The following CACNA1A variants were observed in gnomAD, a reference collection of about 807,000 sequenced individuals.
CACNA1A encodes the protein calcium voltage-gated channel subunit alpha1 A.
CACNA1A carries 57 observed loss-of-function variants against 262.4 expected under a neutral mutation model. That is an observed-to-expected ratio of 0.22 (90% confidence interval 0.18 to 0.27). The LOEUF (loss-of-function observed/expected upper bound fraction) is 0.27. CACNA1A is among the 10% of genes least tolerant of loss of function. The pLI, the probability that CACNA1A is intolerant of heterozygous loss-of-function variation, is 1.00. For synonymous variants in CACNA1A, 1,431 were observed against 1,419.3 expected, an observed-to-expected ratio of 1.01 and a Z score of -0.18; for missense variants, 2,526 against 3,562.8, an observed-to-expected ratio of 0.71 and a Z score of 7.41.
At chr19:13,334,285 C>A (rs2058518108) in intron 8 of CACNA1A, 93 bp downstream of exon 8, 2 of 759,474 alleles carry the variant, frequency 2.6e-6, no homozygotes, top group Non-Finnish European at 4.7e-6. Context: ...CATCATAACC[C>A]TCCCAGCTTA....
intron 3 of CACNA1A, among the ~76,000 whole-genome samples, chr19:13,448,743 G>C (rs572772460): frequency 6.6e-6 from 1 of 152,248 alleles, no homozygotes; most frequent in African/African-American, 2.4e-5. Context: ...GACACTTTGG[G>C]TCAAAATAGC....
intron 5 of CACNA1A, chr19:13,363,983 C>T (rs929900036): frequency 1.3e-5 from 2 of 152,194 alleles, no homozygotes; most frequent in Non-Finnish European, 2.9e-5. Context: ...TATCCAAGGG[C>T]TATTTGGTTC....
intron 30 of CACNA1A, among the ~76,000 whole-genome samples, chr19:13,249,011 C>T (rs2056326674): frequency 6.6e-6 from 1 of 152,236 alleles, no homozygotes. Context: ...TGTTGTTGCT[C>T]AGGCTGGAGG....
chr19:13,348,347 G>T lies in CACNA1A; in HGVS notation c.978+11259C>A, dbSNP rs544345546. On this transcript the variant is annotated intron_variant, in intron 6 of 46. Coordinates refer to ENST00000360228, the MANE Select transcript of CACNA1A (RefSeq NM_001127222.2). ...AGAAAAGCACAAAGAAGGGTGAGGAGAAGGGAGAGAAGGAGAAGGAGGTGG... is the reference window on the plus strand; with the variant it reads ...AGAAAAGCACAAAGAAGGGTGAGGATAAGGGAGAGAAGGAGAAGGAGGTGG... Among the ~76,000 whole-genome samples, 7 of 152,312 alleles carry T rather than the reference G, an allele frequency of 4.6e-5. 1 individual carries two copies. The highest frequency in any genetic ancestry group is 1.7e-4 in the African/African-American group (7 of 41,576).
At chr19:13,443,338 ATTTTAT>A (rs137989401) in intron 3 of CACNA1A, among the ~76,000 whole-genome samples, 14,394 of 151,662 alleles carry the variant, frequency 0.095, 741 homozygotes, top group South Asian at 0.15. Flanking sequence ...AGTTGAAATA[ATTTTAT>A]TTTTATTTTT....
intron 4 of CACNA1A, among the ~76,000 whole-genome samples, chr19:13,370,072 T>C (rs2059291365): frequency 6.6e-6 from 1 of 152,096 alleles, no homozygotes; most frequent in South Asian, 2.1e-4. Flanking sequence ...CTTAGAATAA[T>C]GTCTGGCACA....
At chr19:13,250,454 T>C (rs1208523582) in intron 30 of CACNA1A, among the ~76,000 whole-genome samples, 4 of 152,076 alleles carry the variant, frequency 2.6e-5, no homozygotes, top group Non-Finnish European at 5.9e-5. Flanking sequence ...TGGAGTGCAG[T>C]GGCAAGATCT....
intron 11 of CACNA1A, among the ~76,000 whole-genome samples, chr19:13,313,497 C>CT (rs1555761802): frequency 1.9e-5 from 1 of 53,936 alleles, no homozygotes; most frequent in Non-Finnish European, 3.1e-5. Context: ...AAGACCTTGT[C>CT]TAAAAAAAAA....
rs111663423 is a variant in CACNA1A at position 13,316,802 on chromosome 19, C to T, written c.1555+310G>A. 1.7e-3 allele frequency: 475 copies of T among 272,402 alleles called. 2 individuals carry two copies. Among genetic ancestry groups the T allele is most frequent in the Non-Finnish European group, 2.7e-3 (393 of 144,414 alleles). 16.9% of individuals were successfully genotyped at this position (272,402 alleles called of 1,614,324 possible). On this transcript the variant is annotated intron_variant, in intron 11 of 46. Coordinates refer to ENST00000360228, the MANE Select transcript of CACNA1A (RefSeq NM_001127222.2). ...TTCTATCTGTCTATCTTATGAGCTC[C>T]GTCTTTCTCTGTCTCTCTTCCAACA...
In CACNA1A at chr19:13,227,491, CA is replaced by C; in HGVS notation, c.5564del (p.Leu1855ArgfsTer45). On this transcript the variant is annotated frameshift_variant, in exon 37 of 47. Transcript: ENST00000360228. LOFTEE classifies it high-confidence loss of function. ...RMPYLDMYQM[L>X]RHMSPPLGLG... is the part of the protein sequence containing the mutation. ...GACCCAGGGGCGGAGACATGTGTCT[CA>C]GCATCTGATACATGTCCAGGTAAGG... The C allele has an allele frequency of 6.2e-7, 1 of 1,607,572 alleles. No homozygotes were observed. Among genetic ancestry groups the C allele is most frequent in the Non-Finnish European group, 8.5e-7 (1 of 1,175,858 alleles).
rs761136437 is a variant in CACNA1A, at chr19:13,259,708, C to T, written c.4251-7G>A. 3.1e-6 allele frequency: 5 copies of T among 1,610,900 alleles called. No individual in the cohort carries two copies. The highest frequency in any genetic ancestry group is 4.2e-6 in the Non-Finnish European group (5 of 1,178,582). The stretch of plus-strand genomic sequence containing the variant: ...GTAGAGGAGGTATTTGCCTCTGCCA[C>T]AGAGAGTGGGGACTGTTAGTAAATG... On this transcript the variant is annotated splice_region_variant and splice_polypyrimidine_tract_variant and intron_variant, in intron 26 of 46. Transcript: ENST00000360228.
At chr19:13,285,282 G>C (rs2057375217) in intron 20 of CACNA1A, 76 bp from the exon 21 acceptor site, 3 of 1,556,578 alleles carry the variant, frequency 1.9e-6, no homozygotes, top group East Asian at 2.3e-5. Context: ...TGTACTCCCA[G>C]GGCAGGCAAG....
chr19:13,333,668 C>T (rs183956367), intron 8 of CACNA1A: 12 of 152,324 alleles, frequency 7.9e-5, no homozygotes, highest in Non-Finnish European at 1.6e-4. Context: ...TGCCTGACCT[C>T]AGGAAATCTG....
chr19:13,241,444 G>T lies in CACNA1A; in HGVS notation c.4950+3738C>A. The T allele has an allele frequency of 3.1e-6, 3 of 956,294 alleles. No homozygotes were observed. The highest frequency in any genetic ancestry group is 4.0e-5 in the Admixed American group (2 of 50,116). 59.2% of individuals were successfully genotyped at this position (956,294 alleles called of 1,614,324 possible). A position where few individuals can be genotyped will look rare whatever the true frequency, so the allele number is the denominator to read the frequency against. ...TCCCACGTTGGAGAGGCAGGGTGTGGCATGCAATGCCGACGCGAGGAGATG... is the reference window on the plus strand; with the variant it reads ...TCCCACGTTGGAGAGGCAGGGTGTGTCATGCAATGCCGACGCGAGGAGATG... On this transcript the variant is annotated intron_variant, in intron 31 of 46. Coordinates refer to ENST00000360228, the MANE Select transcript of CACNA1A (RefSeq NM_001127222.2). This position sits in a 1 kb window ranked among gnomAD's most constrained non-coding sequence, Gnocchi z 4.0.
intron 1 of CACNA1A, among the ~76,000 whole-genome samples, chr19:13,456,623 A>G (rs2061014240): frequency 6.6e-6 from 1 of 152,078 alleles, no homozygotes; most frequent in Non-Finnish European, 1.5e-5. Context: ...GCAGTGAGCC[A>G]AGATCGTGCC....
At position 13,277,096 on chromosome 19, in the gene CACNA1A, G is replaced by A. The variant is rs545826814; in HGVS notation, c.3855C>T (p.Gly1285=). The A allele has an allele frequency of 6.2e-6, 10 of 1,612,046 alleles. No individual in the cohort carries two copies. Among genetic ancestry groups the A allele is most frequent in the African/African-American group, 4.0e-5 (3 of 74,970 alleles). ...VLRYFDYVFT[G]VFTFEMVIKM... ...TGATCACCATCTCAAAGGTAAAGACGCCTGTAAAAACGTAGTCAAAGTATC... is the reference window on the plus strand; with the variant it reads ...TGATCACCATCTCAAAGGTAAAGACACCTGTAAAAACGTAGTCAAAGTATC... Residue 1285 remains glycine, a synonymous_variant, in exon 23 of 47, where the codon GGC becomes GGT. Coordinates refer to ENST00000360228, the MANE Select transcript of CACNA1A (RefSeq NM_001127222.2).
intron 6 of CACNA1A, among the ~76,000 whole-genome samples, chr19:13,337,461 C>T (rs1226389900): frequency 2.0e-5 from 3 of 152,096 alleles, no homozygotes; most frequent in Non-Finnish European, 4.4e-5. Flanking sequence ...ATATGGACAC[C>T]ATCGTATTAG....
At chr19:13,300,521 G>T in intron 18 of CACNA1A, 29 bp downstream of exon 18, 2 of 1,478,502 alleles carry the variant, frequency 1.4e-6, no homozygotes, top group Non-Finnish European at 1.9e-6. Context: ...AGGAGCCAGG[G>T]TAGCATCCCA....
rs1408125944 is a variant in CACNA1A at position 13,207,776 on chromosome 19, C to T, written c.7058G>A (p.Arg2353Gln). Residue 2353 changes from arginine (R) to glutamine (Q), a missense_variant, in exon 47 of 47, where the codon CGG becomes CAG. Arg to Gln is a conservative substitution (Grantham distance 43, BLOSUM62 1). Around this residue, in one of 17 missense-constraint regions of CACNA1A, gnomAD observed 929 missense variants for 868.1 expected, o/e 1.07. Coordinates refer to ENST00000360228, the MANE Select transcript of CACNA1A (RefSeq NM_001127222.2). This position sits in a 1 kb window ranked among gnomAD's most constrained non-coding sequence, Gnocchi z 5.7. ...GCTGCTGTGGCCCCCCGTGGGCGGC[C>T]GATCTCCGGCCAGAGGCTCGGCCGT... The part of the protein sequence containing the change: ...GPTAEPLAGD[R>Q]PPTGGHSSGR... 8 of 1,383,940 alleles carry T rather than the reference C, an allele frequency of 5.8e-6. No homozygotes were observed. Among genetic ancestry groups the T allele is most frequent in the East Asian group, 3.1e-5 (1 of 32,736 alleles). 85.7% of individuals were successfully genotyped at this position (1,383,940 alleles called of 1,614,324 possible).
Sources: allele counts gnomAD v4.1 joint callset (sites outside exome capture counted in the v4.1 genomes callset), GRCh38; gene constraint gnomAD v4.1.1; regional missense constraint gnomAD v4.1.1; non-coding constraint Gnocchi (gnomAD v3.1); transcripts MANE v1.5; gene names NCBI Gene and HGNC (gene_info 2026-07-23, HGNC 2026-07-21).